CAPN13: variants seen among roughly 807,000 people sequenced by gnomAD.
CAPN13 encodes the protein calpain 13, also known as calpain-13.
A neutral mutation model predicts 98.4 loss-of-function variants in CAPN13; 90 were observed. The observed-to-expected ratio is 0.92, with a 90% CI of 0.77 to 1.09. The LOEUF (loss-of-function observed/expected upper bound fraction) is 1.09, where lower values mean the gene tolerates loss of function less well. Among genes scored for constraint, CAPN13 ranks in the 50% least tolerant of loss-of-function variants. The pLI is 0.00. For synonymous variants in CAPN13, 330 were observed against 305.5 expected (o/e 1.08, Z -0.84); for missense variants, 887 against 841.3 (o/e 1.05, Z -0.67).
chr2:30,766,284 G>C (rs1468718849), intron 5 of CAPN13, among the ~76,000 whole-genome samples: 1 of 152,208 alleles, frequency 6.6e-6, no homozygotes, highest in Non-Finnish European at 1.5e-5. Context: ...GGCCCCACCT[G>C]ACGTCCTGCA....
At chr2:30,753,023 G>A in intron 10 of CAPN13, 30 bp downstream of exon 10, 1 of 1,611,920 alleles carries the variant, frequency 6.2e-7, no homozygotes, top group South Asian at 1.1e-5. Flanking sequence ...GCTTCCAGTT[G>A]GGCAGTGTGA....
intron 2 of CAPN13, among the ~76,000 whole-genome samples, chr2:30,785,386 C>G (rs191143022): frequency 4.6e-5 from 7 of 152,246 alleles, no homozygotes; most frequent in Non-Finnish European, 8.8e-5. Flanking sequence ...AAAGGTAAGT[C>G]TTGTCAACTG....
At chr2:30,760,503 G>GAT (rs1672791972) in intron 7 of CAPN13, among the ~76,000 whole-genome samples, 1 of 152,194 alleles carries the variant, frequency 6.6e-6, no homozygotes, top group South Asian at 2.1e-4. Flanking sequence ...GAGGCATGCA[G>GAT]ATAAACACTC....
intron 1 of CAPN13, among the ~76,000 whole-genome samples, chr2:30,790,573 T>G (rs533894285): frequency 1.6e-4 from 25 of 152,324 alleles, no homozygotes; most frequent in Admixed American, 9.8e-4. Flanking sequence ...TTAGCTCCCC[T>G]TGGTGTCTAC....
chr2:30,803,560 C>T (rs969803952), intron 1 of CAPN13, among the ~76,000 whole-genome samples: 1 of 152,196 alleles, frequency 6.6e-6, no homozygotes, highest in Non-Finnish European at 1.5e-5. Flanking sequence ...TTGGGACTTA[C>T]TTGGCCGAAG....
chr2:30,789,140 T>C (rs1674477968), intron 1 of CAPN13, among the ~76,000 whole-genome samples: 1 of 152,056 alleles, frequency 6.6e-6, no homozygotes, highest in Admixed American at 6.5e-5. Context: ...CGCAACAAAT[T>C]AAATAGTGAT....
At chr2:30,773,780 G>C (rs949745937) in intron 4 of CAPN13, among the ~76,000 whole-genome samples, 7 of 152,104 alleles carry the variant, frequency 4.6e-5, no homozygotes, top group African/African-American at 1.4e-4. Context: ...ATGATCTAAT[G>C]AATCAAGCAG....
Position 30,758,193 on chromosome 2 carries a change from G to C in CAPN13, c.775-56C>G, listed in dbSNP as rs2148006275. Reference sequence around the variant, plus strand: ...GCTCTACAGCAAAAGTCAGCAGAAAGGGGGATGAATGCAGCTGCTTTTTAC... The same window carrying C: ...GCTCTACAGCAAAAGTCAGCAGAAACGGGGATGAATGCAGCTGCTTTTTAC... On this transcript the variant is annotated intron_variant, in intron 7 of 22. Transcript: ENST00000295055. 8.9e-6 allele frequency: 12 copies of C among 1,343,222 alleles called. No homozygotes were observed. In the South Asian group the frequency reaches 1.5e-4, roughly 17 times the overall value. 83.2% of individuals were successfully genotyped at this position (1,343,222 alleles called of 1,614,324 possible).
At chr2:30,726,212 A>T (rs1670850924) in intron 22 of CAPN13, among the ~76,000 whole-genome samples, 1 of 152,228 alleles carries the variant, frequency 6.6e-6, no homozygotes, top group African/African-American at 2.4e-5. Context: ...GTGTTAACTC[A>T]GCCAGCTACA....
intron 1 of CAPN13, among the ~76,000 whole-genome samples, chr2:30,800,132 G>GAAAGAAAGAAAGAA (rs1558351482): frequency 2.7e-4 from 38 of 138,780 alleles, no homozygotes; most frequent in African/African-American, 9.7e-4. Flanking sequence ...AAGAAAGAAA[G>GAAAGAAAGAAAGAA]AAAGAAAGAA....
intron 5 of CAPN13, among the ~76,000 whole-genome samples, chr2:30,769,839 T>A (rs1572848278): frequency 1.3e-5 from 2 of 152,064 alleles, no homozygotes; most frequent in African/African-American, 4.8e-5. Context: ...CCACCCCTGA[T>A]GATGTCTTTA....
chr2:30,787,463 C>G (rs1674353762), intron 1 of CAPN13, 106 bp from the exon 2 acceptor site: 5 of 812,856 alleles, frequency 6.2e-6, no homozygotes, highest in African/African-American at 1.7e-5. Flanking sequence ...TTTACAGGGA[C>G]TGAGACTAAG....
chr2:30,771,213 C>A (rs1016897218), intron 4 of CAPN13, among the ~76,000 whole-genome samples: 1 of 152,224 alleles, frequency 6.6e-6, no homozygotes, highest in African/African-American at 2.4e-5. Flanking sequence ...CATAACAAAT[C>A]CAGCTTTTTG....
chr2:30,763,247 T>C lies in CAPN13; in HGVS notation c.700-91A>G, dbSNP rs537958308. The C allele has an allele frequency of 3.6e-6, 4 of 1,102,042 alleles. No individual in the cohort carries two copies. In the South Asian group the frequency reaches 4.2e-5, roughly 12 times the overall value. 68.3% of individuals were successfully genotyped at this position (1,102,042 alleles called of 1,614,324 possible). On this transcript the variant is annotated intron_variant, in intron 6 of 22. Coordinates refer to ENST00000295055, the MANE Select transcript of CAPN13 (RefSeq NM_144575.3). ...CAGTCCAAACAGCCACTGAGCCATC[T>C]GGGCCTCACTGACTCACTTGGGACT... is the stretch of plus-strand genomic sequence containing the variant.
chr2:30,730,373 C>A lies in CAPN13; in HGVS notation c.*30+357G>T, dbSNP rs1312843181. ...CGCTCTTCTCTCCCTAAGGCCTGAC[C>A]ATTTCTACCATTTCTGTTGCTCTAC... On this transcript the variant is annotated intron_variant, in intron 22 of 22. Coordinates refer to ENST00000295055, the MANE Select transcript of CAPN13 (RefSeq NM_144575.3). Among the ~76,000 whole-genome samples the A allele has an allele frequency of 2.6e-5, 4 of 152,212 alleles. No individual in the cohort carries two copies. The East Asian group carries it at 7.7e-4, about 29-fold the overall frequency.
At position 30,736,390 on chromosome 2, in the gene CAPN13, G is replaced by A. The variant is rs141664185; in HGVS notation, c.1722+113C>T. Reference sequence around the variant, plus strand: ...ATGTGAGCTCTCCTTGAGGGCAGGGGTGAGAGTTCCTCTTCTTTCATACCC... The same window carrying A: ...ATGTGAGCTCTCCTTGAGGGCAGGGATGAGAGTTCCTCTTCTTTCATACCC... On this transcript the variant is annotated intron_variant, in intron 18 of 22. Coordinates refer to ENST00000295055, the MANE Select transcript of CAPN13 (RefSeq NM_144575.3). The A allele has an allele frequency of 3.0e-5, 31 of 1,031,914 alleles. No individual in the cohort carries two copies. The African/African-American group carries it at 3.9e-4, about 13-fold the overall frequency. 63.9% of individuals were successfully genotyped at this position (1,031,914 alleles called of 1,614,324 possible). A position where few individuals can be genotyped will look rare whatever the true frequency, so the allele number is the denominator to read the frequency against.
chr2:30,740,840 C>A (rs998232921), intron 15 of CAPN13, among the ~76,000 whole-genome samples: 1 of 152,234 alleles, frequency 6.6e-6, no homozygotes, highest in Non-Finnish European at 1.5e-5. Flanking sequence ...GAAGCTTGGT[C>A]TCAGGCATCC....
chr2:30,775,919 G>T lies in CAPN13; in HGVS notation c.387+11C>A. 1 of 1,597,390 alleles carries T rather than the reference G, an allele frequency of 6.3e-7. No homozygotes were observed. Among genetic ancestry groups the T allele is most frequent in the Non-Finnish European group, 8.6e-7 (1 of 1,168,430 alleles). ...CCCATCATATAATGAGCGCTGCAAG[G>T]GCACACGTACCCGGAAACGGAAAAT... is the stretch of plus-strand genomic sequence containing the variant. On this transcript the variant is annotated intron_variant, in intron 4 of 22. Transcript: ENST00000295055.
intron 11 of CAPN13, among the ~76,000 whole-genome samples, 191 bp downstream of exon 11, chr2:30,750,912 G>A (rs921364221): frequency 6.6e-6 from 1 of 152,166 alleles, no homozygotes; most frequent in Non-Finnish European, 1.5e-5. Flanking sequence ...AATCATGATC[G>A]AGTGTCATCT....
Sources: gnomAD v4.1 joint callset for allele counts (sites outside exome capture counted in the v4.1 genomes callset) on GRCh38, gnomAD v4.1.1 for gene constraint, MANE v1.5 for transcripts, NCBI Gene and HGNC (gene_info 2026-07-23, HGNC 2026-07-21) for gene names.